Variants in PCDHGA8 observed in about 807,000 individuals in gnomAD.
PCDHGA8 encodes protocadherin gamma subfamily A, 8, also known as protocadherin gamma-A8.
Under a neutral mutation model 59.2 loss-of-function variants are expected in PCDHGA8, and 45 were observed. That is an observed-to-expected ratio of 0.76 (90% confidence interval 0.60 to 0.98). The LOEUF is 0.98. Among genes scored for constraint, PCDHGA8 ranks in the 50% least tolerant of loss-of-function variants. PCDHGA8 has a pLI of 0.00. For missense variants in PCDHGA8, 1,257 were observed against 1,196.2 expected (o/e 1.05, Z -0.75); for synonymous variants, 531 against 519.0 (o/e 1.02, Z -0.32).
chr5:141,468,680 C>T (rs1176643092), intron 1 of PCDHGA8: 1 of 151,074 alleles, frequency 6.6e-6, no homozygotes, highest in Non-Finnish European at 1.5e-5. Flanking sequence ...TCCTGGCTAA[C>T]ACGGTGAAAC....
In PCDHGA8 at chr5:141,490,601, T is replaced by C. The variant is rs777393370; in HGVS notation, c.2425-4206T>C. 1 of 1,614,176 alleles carries C rather than the reference T, an allele frequency of 6.2e-7. No homozygotes were observed. The highest frequency in any genetic ancestry group is 8.5e-7 in the Non-Finnish European group (1 of 1,180,030). ...GATGTCAATGACAATGCACCCCGCTTCAACCAGCAGCTTTACACTGCTTAC... is the reference window on the plus strand; with the variant it reads ...GATGTCAATGACAATGCACCCCGCTCCAACCAGCAGCTTTACACTGCTTAC... On this transcript the variant is annotated intron_variant, in intron 1 of 3. Transcript: ENST00000398604. This position sits in a 1 kb window ranked among gnomAD's most constrained non-coding sequence, Gnocchi z 5.4.
At chr5:141,468,330 C>CAAAAAAAAAAAA (rs533390277) in intron 1 of PCDHGA8, 1 of 79,864 alleles carries the variant, frequency 1.3e-5, no homozygotes, top group African/African-American at 3.9e-5. Context: ...AACTCCATCT[C>CAAAAAAAAAAAA]AAAAAAAAAA....
chr5:141,474,986 A>G (rs1328341214), intron 1 of PCDHGA8, among the ~76,000 whole-genome samples: 1 of 152,238 alleles, frequency 6.6e-6, no homozygotes, highest in Non-Finnish European at 1.5e-5. Context: ...GTTTGGTGAC[A>G]ACAATTCTAA....
chr5:141,430,595 G>A (rs549786394), intron 1 of PCDHGA8: 28 of 567,134 alleles, frequency 4.9e-5, no homozygotes, highest in African/African-American at 3.8e-4. Flanking sequence ...CCTTGCACGC[G>A]CCTGAAGCAC....
At position 141,494,820 on chromosome 5, in the gene PCDHGA8, A is replaced by G; in HGVS notation, c.2438A>G (p.Asn813Ser). ...TTTTCTCCACAGCAAGCCCCGCCCA[A>G]CACGGACTGGCGTTTCTCTCAGGCC... ...EADHGQQAPP[N>S]TDWRFSQAQR... Residue 813 changes from asparagine to serine, a missense_variant, in exon 2 of 4, where the codon AAC becomes AGC. By Grantham distance (46) the Asn-to-Ser change is conservative. Transcript: ENST00000398604. 1.2e-6 allele frequency: 2 copies of G among 1,613,988 alleles called. No individual in the cohort carries two copies. Among genetic ancestry groups the G allele is most frequent in the Middle Eastern group, 1.6e-4 (1 of 6,062 alleles).
intron 1 of PCDHGA8, chr5:141,413,694 C>T: frequency 6.2e-7 from 1 of 1,613,800 alleles, no homozygotes; most frequent in Non-Finnish European, 8.5e-7. Context: ...CCCTGCAGAG[C>T]TATCAGCTCA....
intron 1 of PCDHGA8, among the ~76,000 whole-genome samples, chr5:141,448,614 A>G (rs985924011): frequency 1.3e-5 from 2 of 152,070 alleles, no homozygotes; most frequent in East Asian, 1.9e-4. Flanking sequence ...ACCACTTTAT[A>G]TCTTCCTTTC....
At chr5:141,461,082 T>C (rs2099008648) in intron 1 of PCDHGA8, among the ~76,000 whole-genome samples, 1 of 152,070 alleles carries the variant, frequency 6.6e-6, no homozygotes, top group South Asian at 2.1e-4. Flanking sequence ...AATTGTGAAT[T>C]GTGCTGCTAT....
At position 141,486,616 on chromosome 5, in the gene PCDHGA8, C is replaced by T. The variant is rs759167270; in HGVS notation, c.2425-8191C>T. On this transcript the variant is annotated intron_variant, in intron 1 of 3. Coordinates refer to ENST00000398604, the MANE Select transcript of PCDHGA8 (RefSeq NM_032088.2). The surrounding 1 kb of genome is among the most constrained non-coding windows in gnomAD (Gnocchi z 5.0). ...TGCTTTGCTCCCTTGCAGCCTCTGA[C>T]CCAGACTCTGGCTTGAATGCGCTTA... is the stretch of plus-strand genomic sequence containing the variant. 2 of 1,613,500 alleles carry T rather than the reference C, an allele frequency of 1.2e-6. No individual in the cohort carries two copies. The highest frequency in any genetic ancestry group is 3.3e-5 in the Admixed American group (2 of 60,004).
chr5:141,423,141 G>C, intron 1 of PCDHGA8: 1 of 1,613,580 alleles, frequency 6.2e-7, no homozygotes, highest in Non-Finnish European at 8.5e-7. Flanking sequence ...ACAGAGACGC[G>C]CTCAAGCAGA....
chr5:141,438,308 C>G (rs2097949954), intron 1 of PCDHGA8, among the ~76,000 whole-genome samples: 1 of 151,766 alleles, frequency 6.6e-6, no homozygotes, highest in Non-Finnish European at 1.5e-5. Context: ...GAAGTTGGTA[C>G]CACCATAATT....
rs1368451336 is a variant in PCDHGA8 at position 141,505,377 on chromosome 5, C to T, written c.2484-16C>T. ...CGGCCTGGGAGTCTGTGCTCACCAT[C>T]CTACTCTCTCCCCAGCTCCCAAAAT... On this transcript the variant is annotated splice_polypyrimidine_tract_variant and intron_variant, in intron 2 of 3. Transcript: ENST00000398604. The T allele has an allele frequency of 6.2e-7, 1 of 1,614,036 alleles. No individual in the cohort carries two copies. Among genetic ancestry groups the T allele is most frequent in the Non-Finnish European group, 8.5e-7 (1 of 1,179,954 alleles).
chr5:141,492,072 C>G (rs2099736816), intron 1 of PCDHGA8: 2 of 480,040 alleles, frequency 4.2e-6, no homozygotes, highest in East Asian at 3.3e-5. Context: ...TCCTAGGCGC[C>G]GGCTCCGGCA....
intron 1 of PCDHGA8, among the ~76,000 whole-genome samples, chr5:141,467,882 C>T (rs1278937609): frequency 6.6e-6 from 1 of 152,036 alleles, no homozygotes; most frequent in East Asian, 1.9e-4. Context: ...TGGTCTCAAA[C>T]TCCTGAGCTC....
At chr5:141,413,035 C>A (rs1481573261) in intron 1 of PCDHGA8, 2 of 800,134 alleles carry the variant, frequency 2.5e-6, no homozygotes, top group African/African-American at 1.7e-5. Context: ...AAACCGGCTG[C>A]TGGGCTGCAG....
Position 141,423,286 on chromosome 5 carries a change from ACCT to A in PCDHGA8, c.2424+28051_2424+28053del, listed in dbSNP as rs554024395. 8.7e-3 allele frequency: 13,966 copies of A among 1,613,746 alleles called. 98 individuals are homozygous for A. The highest frequency in any genetic ancestry group is 0.011 in the Middle Eastern group (68 of 6,062). ...CCTCGAGTCTCTGGCTAACTCTGAAACCTCAGACCTCTCGCTGTACTTGGTGGT... is the reference window on the plus strand; with the variant it reads ...CCTCGAGTCTCTGGCTAACTCTGAAACAGACCTCTCGCTGTACTTGGTGGT... On this transcript the variant is annotated intron_variant, in intron 1 of 3. Transcript: ENST00000398604.
Position 141,432,830 on chromosome 5 carries a change from C to G in PCDHGA8, c.2424+37593C>G, listed in dbSNP as rs780093171. On this transcript the variant is annotated intron_variant, in intron 1 of 3. Coordinates refer to ENST00000398604, the MANE Select transcript of PCDHGA8 (RefSeq NM_032088.2). The surrounding 1 kb of genome is among the most constrained non-coding windows in gnomAD (Gnocchi z 6.0). ...TAACTCTGAAACCTCAGACCTCACT[C>G]TGTACCTGGTGGTAGCGGTGGCCGC... 4 of 1,614,208 alleles carry G rather than the reference C, an allele frequency of 2.5e-6. No individual in the cohort carries two copies. The highest frequency in any genetic ancestry group is 2.2e-5 in the East Asian group (1 of 44,874).
At chr5:141,503,679 G>A (rs562303239) in intron 2 of PCDHGA8, among the ~76,000 whole-genome samples, 1 of 152,054 alleles carries the variant, frequency 6.6e-6, no homozygotes, top group East Asian at 1.9e-4. Context: ...CCACTTTTGG[G>A]AAGGAGAATT....
At chr5:141,475,979 C>A in intron 1 of PCDHGA8, 1 of 1,020,182 alleles carries the variant, frequency 9.8e-7, no homozygotes, top group Non-Finnish European at 1.4e-6. Flanking sequence ...GACTGAACAG[C>A]CGGCGAGCAA....
Sources: gnomAD v4.1 joint callset for allele counts (sites outside exome capture counted in the v4.1 genomes callset) on GRCh38, gnomAD v4.1.1 for gene constraint, Gnocchi (gnomAD v3.1) non-coding constraint, MANE v1.5 for transcripts, NCBI Gene and HGNC (gene_info 2026-07-23, HGNC 2026-07-21) for gene names.